The following POLQ variants were observed in gnomAD, a reference collection of about 807,000 sequenced individuals.
POLQ encodes epididymis secretory sperm binding protein.
POLQ carries 233 observed loss-of-function variants against 259.2 expected under a neutral mutation model. The observed-to-expected ratio is 0.90, with a 90% CI of 0.81 to 1.00. POLQ has a LOEUF of 1.00. POLQ is among the 50% of genes least tolerant of loss of function. POLQ has a pLI of 0.00. For synonymous variants in POLQ, 1,025 were observed against 1,048.8 expected (o/e 0.98, Z 0.44); for missense variants, 2,871 against 3,051.6 (o/e 0.94, Z 1.39).
Position 121,489,024 on chromosome 3 carries a change from T to C in POLQ, c.3907A>G (p.Thr1303Ala). ...AAGTCAGAAACATGATTATTTTTAG[T>C]TTTGTTTGTTGTATAAGTACCTGTT... ...EKTGTYTTNK[T>A]KNNHVSDLGL... The change falls in exon 16 of 30, where the codon ACT (threonine) becomes GCT (alanine). Residue 1303 changes from threonine (T) to alanine (A), a missense_variant. Around this residue, in one of 3 missense-constraint regions of POLQ, gnomAD observed 2,080 missense variants for 2,126.0 expected, o/e 0.98. Transcript: ENST00000264233. 1 of 1,612,846 alleles carries C rather than the reference T, an allele frequency of 6.2e-7. No homozygotes were observed. Among genetic ancestry groups the C allele is most frequent in the Non-Finnish European group, 8.5e-7 (1 of 1,179,208 alleles).
chr3:121,483,595 A>G lies in POLQ; in HGVS notation c.5774-13T>C, dbSNP rs1576412455. 2 of 1,530,634 alleles carry G rather than the reference A, an allele frequency of 1.3e-6. No homozygotes were observed. Among genetic ancestry groups the G allele is most frequent in the South Asian group, 1.3e-5 (1 of 77,046 alleles). 94.8% of individuals were successfully genotyped at this position (1,530,634 alleles called of 1,614,324 possible). On this transcript the variant is annotated splice_polypyrimidine_tract_variant and intron_variant, in intron 17 of 29. Transcript: ENST00000264233. Reference sequence around the variant, plus strand: ...CTGGCACTAATTTCTTTAAAAAAAAAAAAAAAAAGGAAAAAACATTTTTAA... The same window carrying G: ...CTGGCACTAATTTCTTTAAAAAAAAGAAAAAAAAGGAAAAAACATTTTTAA...
At chr3:121,501,311 C>A (rs2048165721) in intron 12 of POLQ, among the ~76,000 whole-genome samples, 1 of 150,972 alleles carries the variant, frequency 6.6e-6, no homozygotes, top group African/African-American at 2.4e-5. Flanking sequence ...ATAAAAATAA[C>A]AAACATTTCC....
chr3:121,522,508 T>C (rs2048344961), intron 7 of POLQ, among the ~76,000 whole-genome samples: 1 of 150,314 alleles, frequency 6.7e-6, no homozygotes, highest in Admixed American at 6.6e-5. Flanking sequence ...AGACGGGGTT[T>C]CACCTTGTTA....
At chr3:121,459,672 C>T (rs1257186649) in intron 25 of POLQ, among the ~76,000 whole-genome samples, 3 of 152,128 alleles carry the variant, frequency 2.0e-5, no homozygotes, top group Non-Finnish European at 2.9e-5. Flanking sequence ...TGAGCCACCG[C>T]GCCCGGCCTG....
Position 121,432,983 on chromosome 3 carries a change from C to A in POLQ, c.7594G>T (p.Gly2532Cys). 1 of 1,613,056 alleles carries A rather than the reference C, an allele frequency of 6.2e-7. No individual in the cohort carries two copies. Among genetic ancestry groups the A allele is most frequent in the Non-Finnish European group, 8.5e-7 (1 of 1,179,080 alleles). ...TCATGGAGTTGAAGGATGAAGAAGCCTCCTCTGATTGGGCAGAACATCCCT... is the reference window on the plus strand; with the variant it reads ...TCATGGAGTTGAAGGATGAAGAAGCATCCTCTGATTGGGCAGAACATCCCT... ...LQGMFCPIRG[G>C]FFILQLHDEL... is the part of the protein sequence containing the mutation. Residue 2532 changes from glycine (G) to cysteine (C), a missense_variant, in exon 29 of 30, where the codon GGC (glycine) becomes TGC (cysteine). By Grantham distance (159) the Gly-to-Cys change is radical. Coordinates refer to ENST00000264233, the MANE Select transcript of POLQ (RefSeq NM_199420.4).
At chr3:121,494,595 C>T in intron 14 of POLQ, 1 of 1,551,236 alleles carries the variant, frequency 6.4e-7, no homozygotes. Flanking sequence ...AACGCGGATC[C>T]CATCAAGCTG....
At chr3:121,533,903 C>CTTT (rs35959660) in intron 5 of POLQ, among the ~76,000 whole-genome samples, 28 of 119,628 alleles carry the variant, frequency 2.3e-4, no homozygotes, top group Admixed American at 3.9e-4. Context: ...TGTGGATACC[C>CTTT]TTTTTTTTTT....
chr3:121,473,730 T>C (rs41562114), intron 20 of POLQ, among the ~76,000 whole-genome samples: 1,571 of 146,834 alleles, frequency 0.011, 74 homozygotes, highest in Admixed American at 0.074. Flanking sequence ...ACAAGGCCTT[T>C]TTTTTTTTTT....
At chr3:121,483,758 G>A (rs925826066) in intron 17 of POLQ, among the ~76,000 whole-genome samples, 176 bp from the exon 18 acceptor site, 1 of 152,092 alleles carries the variant, frequency 6.6e-6, no homozygotes, top group Non-Finnish European at 1.5e-5. Flanking sequence ...TGTAGATGAA[G>A]TGCATCATAT....
intron 26 of POLQ, among the ~76,000 whole-genome samples, chr3:121,446,644 C>A (rs569934446): frequency 1.3e-5 from 2 of 152,138 alleles, no homozygotes; most frequent in East Asian, 1.9e-4. Flanking sequence ...TTCTTATATT[C>A]TCTTGCTTAA....
Position 121,496,801 on chromosome 3 carries a change from A to G in POLQ, c.2278+7T>C. The G allele has an allele frequency of 5.0e-6, 8 of 1,603,794 alleles. No homozygotes were observed. The highest frequency in any genetic ancestry group is 5.9e-6 in the Non-Finnish European group (7 of 1,177,902). On this transcript the variant is annotated splice_region_variant and intron_variant, in intron 14 of 29. Transcript: ENST00000264233. ...TAAATAAATGTGAAACCCTTTGTTT[A>G]ACTGACCTGCATAAACAGCAGCTGA... is the stretch of plus-strand genomic sequence containing the variant.
chr3:121,507,395 A>T (rs2048217131), intron 12 of POLQ, among the ~76,000 whole-genome samples: 1 of 152,166 alleles, frequency 6.6e-6, no homozygotes, highest in Admixed American at 6.5e-5. Flanking sequence ...TTGTCTAAGA[A>T]ATCCAGTTTC....
intron 12 of POLQ, among the ~76,000 whole-genome samples, chr3:121,509,009 T>C (rs547657422): frequency 6.6e-6 from 1 of 152,396 alleles, no homozygotes; most frequent in East Asian, 1.9e-4. Context: ...TAGAGATTTT[T>C]ATCAAACAAT....
chr3:121,435,027 G>C (rs1200223754), intron 28 of POLQ, among the ~76,000 whole-genome samples: 1 of 152,094 alleles, frequency 6.6e-6, no homozygotes. Context: ...AGCCAGGCAT[G>C]GTGGCACACT....
At chr3:121,503,739 T>A (rs2048190015) in intron 12 of POLQ, among the ~76,000 whole-genome samples, 1 of 152,250 alleles carries the variant, frequency 6.6e-6, no homozygotes. Flanking sequence ...TCCTGCCATA[T>A]ACAGAGTAAT....
At position 121,490,268 on chromosome 3, in the gene POLQ, T is replaced by G. The variant is rs758068239; in HGVS notation, c.2663A>C (p.Gln888Pro). 1.9e-6 allele frequency: 3 copies of G among 1,614,100 alleles called. No homozygotes were observed. The highest frequency in any genetic ancestry group is 2.7e-5 in the African/African-American group (2 of 74,956). The stretch of plus-strand genomic sequence containing the variant: ...CACTCCCATTTCAACTAAGTCCTGC[T>G]GCAGAATCATTCTGGCTTCTTCCAC... ...LIVEEARMIL[Q>P]QDLVEMGVQW... Residue 888 changes from glutamine to proline, a missense_variant, in exon 16 of 30, where the codon CAG (glutamine) becomes CCG (proline). Transcript: ENST00000264233.
At chr3:121,469,779 T>C (rs1322573594) in intron 22 of POLQ, among the ~76,000 whole-genome samples, 2 of 152,216 alleles carry the variant, frequency 1.3e-5, no homozygotes, top group East Asian at 1.9e-4. Context: ...GGATATGAAG[T>C]ATATTCATGA....
chr3:121,488,355 G>A lies in POLQ; in HGVS notation c.4576C>T (p.Leu1526=), dbSNP rs2108797861. Residue 1526 remains leucine, a synonymous_variant, in exon 16 of 30, where the codon CTG becomes TTG. Transcript: ENST00000264233. ...EVTSNHFSDS[L]CLQEDLIKKS... is the part of the protein sequence containing the mutation. ...TTAATTAGGTCTTCTTGTAGACACA[G>A]AGAATCACTAAAATGGTTTGATGTT... 2 of 1,612,438 alleles carry A rather than the reference G, an allele frequency of 1.2e-6. No homozygotes were observed. The highest frequency in any genetic ancestry group is 1.7e-4 in the Middle Eastern group (1 of 6,052).
In POLQ at chr3:121,432,355, C is replaced by T. The variant is rs2047501387; in HGVS notation, c.7722G>A (p.Val2574=). The T allele has an allele frequency of 3.1e-6, 5 of 1,609,350 alleles. No homozygotes were observed. In the East Asian group the frequency reaches 1.1e-4, roughly 36 times the overall value. ...CCCAGCTGGCGCCTATTTTCACTTT[C>T]ACTTTCAATTTCACAGACAGTTTTA... ...SAVKLSVKLK[V]KVKIGASWGE... The change falls in exon 30 of 30, where the codon GTG becomes GTA. Residue 2574 remains valine, a synonymous_variant. Coordinates refer to ENST00000264233, the MANE Select transcript of POLQ (RefSeq NM_199420.4).
Sources: allele counts gnomAD v4.1 joint callset (sites outside exome capture counted in the v4.1 genomes callset), GRCh38; gene constraint gnomAD v4.1.1; regional missense constraint gnomAD v4.1.1; transcripts MANE v1.5; gene names NCBI Gene and HGNC (gene_info 2026-07-23, HGNC 2026-07-21).